Variants in MED16 observed in about 807,000 individuals in gnomAD.
The protein encoded by MED16 is mediator of RNA polymerase II transcription subunit 16.
MED16 carries 81 observed loss-of-function variants against 84.4 expected under a neutral mutation model. The observed-to-expected ratio is 0.96, with a 90% CI of 0.80 to 1.15. MED16 has a LOEUF of 1.15. Ranked by LOEUF, MED16 falls within the 50% of genes most tolerant of loss-of-function variation. MED16 has a pLI of 0.00. For missense variants in MED16, 1,585 were observed against 1,245.9 expected (o/e 1.27, Z -4.10); for synonymous variants, 897 against 552.2 (o/e 1.62, Z -8.76).
intron 11 of MED16, 123 bp downstream of exon 11, chr19:873,326 G>A (rs1398438414): frequency 3.3e-6 from 1 of 298,852 alleles, no homozygotes; most frequent in Non-Finnish European, 4.8e-6. Flanking sequence ...ACTCCAAGTA[G>A]GGGCGGGACT....
intron 8 of MED16, 118 bp from the exon 9 acceptor site, chr19:877,298 G>A (rs896959557): frequency 9.5e-6 from 8 of 843,090 alleles, no homozygotes; most frequent in African/African-American, 5.1e-5. Flanking sequence ...GCACGCCCGT[G>A]TGTGGGCCTG....
At chr19:890,910 C>A in intron 2 of MED16, 53 bp downstream of exon 2, 1 of 1,571,016 alleles carries the variant, frequency 6.4e-7, no homozygotes, top group Non-Finnish European at 8.6e-7. Flanking sequence ...ACCTGGGGAA[C>A]AGGGCGGGAC....
At chr19:883,492 G>A (rs191602968) in intron 6 of MED16, among the ~76,000 whole-genome samples, 4 of 151,800 alleles carry the variant, frequency 2.6e-5, no homozygotes, top group East Asian at 1.9e-4. Flanking sequence ...CACGTGGGGC[G>A]GTAGGGGGAG....
chr19:869,149 C>G (rs532344434), intron 13 of MED16, among the ~76,000 whole-genome samples: 59 of 151,904 alleles, frequency 3.9e-4, no homozygotes, highest in African/African-American at 1.3e-3. Flanking sequence ...ACCCCCCACA[C>G]GGAGGAGGGT....
At chr19:876,571 G>GA (rs2036236112) in intron 9 of MED16, among the ~76,000 whole-genome samples, 1 of 152,100 alleles carries the variant, frequency 6.6e-6, no homozygotes, top group South Asian at 2.1e-4. Flanking sequence ...GGTAAGGAAG[G>GA]AAACTGCTTC....
Position 890,134 on chromosome 19 carries a change from C to T in MED16, c.277+3G>A, listed in dbSNP as rs369767102. On this transcript the variant is annotated splice_donor_region_variant and intron_variant, in intron 3 of 15. Transcript: ENST00000325464. ...CCCTGGCCACGTGGGACCAGCGCCTCACCTGACTGGTCCCACTCCAGGCAG... is the reference window on the plus strand; with the variant it reads ...CCCTGGCCACGTGGGACCAGCGCCTTACCTGACTGGTCCCACTCCAGGCAG... The T allele has an allele frequency of 1.9e-6, 3 of 1,544,692 alleles. No homozygotes were observed. Among genetic ancestry groups the T allele is most frequent in the South Asian group, 2.4e-5 (2 of 83,912 alleles).
intron 12 of MED16, chr19:871,557 C>G: frequency 1.3e-6 from 2 of 1,591,092 alleles, no homozygotes; most frequent in Non-Finnish European, 1.7e-6. Context: ...ACACAGCTCA[C>G]CCTCCTCACA....
In MED16 at chr19:872,082, C is replaced by G; in HGVS notation, c.1942G>C (p.Asp648His). 6.2e-7 allele frequency: 1 copy of G among 1,609,058 alleles called. No individual in the cohort carries two copies. Among genetic ancestry groups the G allele is most frequent in the Non-Finnish European group, 8.5e-7 (1 of 1,177,934 alleles). Residue 648 changes from aspartate to histidine, a missense_variant, in exon 12 of 16, where the codon GAC becomes CAC. Asp to His is a moderately conservative substitution (Grantham distance 81). Transcript: ENST00000325464. ...CGAAGCATGCCCAGCGAGGTGCCGT[C>G]CCGCAGAAAGCTGTGGCCCGGCCTC... ...LLRPGHSFLR[D>H]GTSLGMLREL...
At chr19:876,927 AC>A (rs1330126424) in intron 9 of MED16, 46 bp downstream of exon 9, 1 of 1,527,716 alleles carries the variant, frequency 6.5e-7, no homozygotes, top group East Asian at 2.4e-5. Flanking sequence ...CCCACCTGCC[AC>A]AGGGCCCCCA....
At chr19:870,657 G>A (rs866422126) in intron 13 of MED16, among the ~76,000 whole-genome samples, 12 of 152,016 alleles carry the variant, frequency 7.9e-5, no homozygotes, top group Middle Eastern at 3.2e-3. Context: ...CACCACTAGG[G>A]GATGGAGTTA....
At chr19:873,380 G>A in intron 11 of MED16, 69 bp downstream of exon 11, 4 of 1,527,150 alleles carry the variant, frequency 2.6e-6, no homozygotes, top group Admixed American at 1.7e-5. Flanking sequence ...GGCAGGGGCA[G>A]GGAAGCGGGG....
chr19:881,568 G>A lies in MED16; in HGVS notation c.1132C>T (p.Pro378Ser). ...LKVASDTQFY[P>S]GLGLALAFHD... ...GCTGGCTCCACCGTACCGAGGCCAG[G>A]GTAGAACTGTGTGTCGCTGGCCACC... Residue 378 changes from proline to serine, a missense_variant, in exon 7 of 16, where the codon CCT becomes TCT. Coordinates refer to ENST00000325464, the MANE Select transcript of MED16 (RefSeq NM_005481.3). 2 of 1,612,044 alleles carry A rather than the reference G, an allele frequency of 1.2e-6. No individual in the cohort carries two copies. Among genetic ancestry groups the A allele is most frequent in the Non-Finnish European group, 1.7e-6 (2 of 1,179,770 alleles).
intron 11 of MED16, among the ~76,000 whole-genome samples, 171 bp from the exon 12 acceptor site, chr19:872,289 C>T (rs1291183961): frequency 6.6e-6 from 1 of 151,934 alleles, no homozygotes; most frequent in Non-Finnish European, 1.5e-5. Context: ...ATGCCGGGGA[C>T]GCTGCTCAGA....
chr19:873,119 TCCG>T lies in MED16; in HGVS notation c.1905+327_1905+329del, dbSNP rs2036132018. ...GGAGGGCTCCGAGGTGGGGCAGGGC[TCCG>T]AGATGGGGCAGGGCTCCGAGGTGGG... On this transcript the variant is annotated intron_variant, in intron 11 of 15. Transcript: ENST00000325464. The T allele has an allele frequency of 5.1e-4, 62 of 121,030 alleles. 17 individuals carry two copies. Among genetic ancestry groups the T allele is most frequent in the South Asian group, 8.4e-4 (8 of 9,576 alleles). The allele number at this position is 121,030 out of a possible 1,614,324, so 7.5% of individuals were successfully genotyped here. A position where few individuals can be genotyped will look rare whatever the true frequency, so the allele number is the denominator to read the frequency against.
At chr19:888,815 G>C (rs759373885) in intron 4 of MED16, among the ~76,000 whole-genome samples, 35 of 152,186 alleles carry the variant, frequency 2.3e-4, no homozygotes, top group Non-Finnish European at 4.7e-4. Flanking sequence ...AGGGACTCAC[G>C]AAGGGACGAG....
At chr19:870,295 T>C (rs960535366) in intron 13 of MED16, among the ~76,000 whole-genome samples, 3 of 152,110 alleles carry the variant, frequency 2.0e-5, no homozygotes, top group Non-Finnish European at 4.4e-5. Flanking sequence ...GGGCGGTGGC[T>C]CACACCTGTA....
intron 7 of MED16, among the ~76,000 whole-genome samples, chr19:880,903 C>A (rs1248107847): frequency 3.5e-5 from 5 of 143,986 alleles, no homozygotes; most frequent in African/African-American, 1.3e-4. Context: ...CCAGCCTGGG[C>A]AACAGAATGA....
chr19:883,342 G>A (rs2036458773), intron 6 of MED16, among the ~76,000 whole-genome samples: 2 of 141,392 alleles, frequency 1.4e-5, no homozygotes, highest in South Asian at 4.8e-4. Flanking sequence ...GCATGGCGGG[G>A]ACCGAAGCCT....
Position 885,783 on chromosome 19 carries a change from T to C in MED16, c.866A>G (p.Asp289Gly). 1 of 1,609,562 alleles carries C rather than the reference T, an allele frequency of 6.2e-7. No individual in the cohort carries two copies. The highest frequency in any genetic ancestry group is 8.5e-7 in the Non-Finnish European group (1 of 1,179,670). ...GCGCCCGTTCACCTGCTCCGACATG[T>C]CCCGGGCCAGGAACTTGAGGTGGGT... ...AITHLKFLAR[D>G]MSEQVLLCAS... Residue 289 changes from aspartate to glycine, a missense_variant, in exon 5 of 16, where the codon GAC (aspartate) becomes GGC (glycine). Physicochemically the swap from Asp to Gly is moderately conservative, Grantham distance 94. Transcript: ENST00000325464.
Sources: gnomAD v4.1 joint callset for allele counts (sites outside exome capture counted in the v4.1 genomes callset) on GRCh38, gnomAD v4.1.1 for gene constraint, MANE v1.5 for transcripts, NCBI Gene and HGNC (gene_info 2026-07-23, HGNC 2026-07-21) for gene names.